SLC22A3: variants seen among roughly 807,000 people sequenced by gnomAD.
The protein encoded by SLC22A3 is solute carrier family 22 member 3.
A neutral mutation model predicts 59.1 loss-of-function variants in SLC22A3; 51 were observed. The observed-to-expected ratio is 0.86, with a 90% confidence interval of 0.69 to 1.09. SLC22A3 has a LOEUF of 1.09. SLC22A3 is among the 50% of genes least tolerant of loss of function. The pLI is 0.00. For synonymous variants in SLC22A3, 325 were observed against 292.0 expected, an observed-to-expected ratio of 1.11 and a Z score of -1.15; for missense variants, 711 against 726.3, an observed-to-expected ratio of 0.98 and a Z score of 0.24.
intron 1 of SLC22A3, among the ~76,000 whole-genome samples, chr6:160,362,642 T>A (rs1785053173): frequency 6.6e-6 from 1 of 152,198 alleles, no homozygotes; most frequent in Non-Finnish European, 1.5e-5. Context: ...CACCGCGGGA[T>A]GTCCAGAGAG....
intron 5 of SLC22A3, among the ~76,000 whole-genome samples, chr6:160,427,016 A>G (rs1787985141): frequency 1.3e-5 from 2 of 152,050 alleles, no homozygotes; most frequent in African/African-American, 4.8e-5. Context: ...GTTACTGGAG[A>G]TTCTTTGTAC....
intron 5 of SLC22A3, among the ~76,000 whole-genome samples, chr6:160,432,537 C>T (rs1216066073): frequency 1.3e-5 from 2 of 151,246 alleles, no homozygotes; most frequent in African/African-American, 4.9e-5. Context: ...AAACGATTCT[C>T]CTGCCTCAGC....
intron 5 of SLC22A3, among the ~76,000 whole-genome samples, chr6:160,413,502 C>A (rs1184919396): frequency 6.6e-6 from 1 of 152,334 alleles, no homozygotes; most frequent in African/African-American, 2.4e-5. Context: ...TGCCTAGTTT[C>A]CCTATCCACT....
chr6:160,348,514 T>A lies in SLC22A3; in HGVS notation c.95T>A (p.Phe32Tyr). The change falls in exon 1 of 11, where the codon TTC (phenylalanine) becomes TAC (tyrosine). Residue 32 changes from phenylalanine to tyrosine, a missense_variant. Transcript: ENST00000275300. ...CTGCTGTGCCTGACGGGCGTCACCT[T>A]CGCCTTCCTCTTCGTCGGCGTGGTC... is the stretch of plus-strand genomic sequence containing the variant. ...FLLLCLTGVT[F>Y]AFLFVGVVFL... is the part of the protein sequence containing the mutation. The A allele has an allele frequency of 1.9e-6, 3 of 1,564,302 alleles. No individual in the cohort carries two copies. Among genetic ancestry groups the A allele is most frequent in the Non-Finnish European group, 2.6e-6 (3 of 1,162,808 alleles).
Position 160,448,670 on chromosome 6 carries a change from A to G in SLC22A3, c.1610+852A>G, listed in dbSNP as rs541138691. Among the ~76,000 whole-genome samples the G allele has an allele frequency of 6.6e-5, 9 of 135,690 alleles. No homozygotes were observed. In the East Asian group the frequency reaches 2.2e-3, roughly 34 times the overall value. The allele number at this position is 135,690 out of a possible 152,430, so 89.0% of individuals were successfully genotyped here. ...AGTAATGTCAAGAAAAATTCACATT[A>G]CACAAATTCTTTCTAATTGTTTGAA... On this transcript the variant is annotated intron_variant, in intron 10 of 10. Transcript: ENST00000275300.
chr6:160,437,325 T>C (rs559847196), intron 7 of SLC22A3, 114 bp downstream of exon 7: 2 of 1,056,944 alleles, frequency 1.9e-6, no homozygotes, highest in South Asian at 1.3e-5. Flanking sequence ...TCACAGTCTT[T>C]CGTGATGTCA....
chr6:160,410,739 G>C lies in SLC22A3; in HGVS notation c.868G>C (p.Glu290Gln). 6.2e-7 allele frequency: 1 copy of C among 1,612,056 alleles called. No homozygotes were observed. The highest frequency in any genetic ancestry group is 8.5e-7 in the Non-Finnish European group (1 of 1,178,370). Residue 290 changes from glutamate (E) to glutamine (Q), a missense_variant, in exon 5 of 11, where the codon GAG (glutamate) becomes CAG (glutamine). Coordinates refer to ENST00000275300, the MANE Select transcript of SLC22A3 (RefSeq NM_021977.4). ...LFLLYYWVVP[E>Q]SPRWLITRKK... ...CTCCTTCTTTGCCAGGGTGGTCCCT[G>C]AGTCTCCCCGTTGGCTGATTACTCG...
In SLC22A3 at chr6:160,443,668, T is replaced by C; in HGVS notation, c.1436T>C (p.Phe479Ser). 1 of 1,614,078 alleles carries C rather than the reference T, an allele frequency of 6.2e-7. No individual in the cohort carries two copies. Among genetic ancestry groups the C allele is most frequent in the Non-Finnish European group, 8.5e-7 (1 of 1,179,956 alleles). The change falls in exon 9 of 11, where the codon TTT (phenylalanine) becomes TCT (serine). Residue 479 changes from phenylalanine to serine, a missense_variant. Phe to Ser is a radical substitution (Grantham distance 155). Transcript: ENST00000275300. ...TCGCTCTGTTCAGGTCTGTGTGATT[T>C]TGGGGGAATCATAGCCCCATTTCTG... ...GVSLCSGLCD[F>S]GGIIAPFLLF...
In SLC22A3 at chr6:160,353,925, A is replaced by G. The variant is rs1177123716; in HGVS notation, c.429+5077A>G. ...GGGAACATTATCCCTTTATCCTCAG[A>G]CAGGTATCCCAAATCTTATCAGATG... On this transcript the variant is annotated intron_variant, in intron 1 of 10. Coordinates refer to ENST00000275300, the MANE Select transcript of SLC22A3 (RefSeq NM_021977.4). Among the ~76,000 whole-genome samples, 3 of 152,152 alleles carry G rather than the reference A, an allele frequency of 2.0e-5. No individual in the cohort carries two copies. In the East Asian group the frequency reaches 5.8e-4, roughly 29 times the overall value.
At chr6:160,363,068 G>A (rs1208615358) in intron 1 of SLC22A3, among the ~76,000 whole-genome samples, 2 of 152,234 alleles carry the variant, frequency 1.3e-5, no homozygotes, top group South Asian at 2.1e-4. Flanking sequence ...TCAGGCAGAC[G>A]CGGGGCATCG....
At chr6:160,372,902 C>A (rs1368260519) in intron 1 of SLC22A3, among the ~76,000 whole-genome samples, 1 of 151,974 alleles carries the variant, frequency 6.6e-6, no homozygotes, top group East Asian at 1.9e-4. Flanking sequence ...TTCATATAAC[C>A]TTTTTTCAAG....
intron 1 of SLC22A3, among the ~76,000 whole-genome samples, chr6:160,381,127 T>A (rs780117339): frequency 6.6e-6 from 1 of 152,128 alleles, no homozygotes; most frequent in Non-Finnish European, 1.5e-5. Context: ...AAGGTTTTAA[T>A]CAAAGCAGGG....
At chr6:160,362,904 G>A (rs553744957) in intron 1 of SLC22A3, among the ~76,000 whole-genome samples, 8 of 152,296 alleles carry the variant, frequency 5.3e-5, no homozygotes, top group Admixed American at 1.3e-4. Context: ...CCAGGAGGGT[G>A]CACGAGAACG....
intron 1 of SLC22A3, among the ~76,000 whole-genome samples, chr6:160,391,524 A>G (rs1217841936): frequency 6.6e-6 from 1 of 152,182 alleles, no homozygotes; most frequent in African/African-American, 2.4e-5. Context: ...AGAGTCAACA[A>G]TGTTGGAAAA....
chr6:160,423,910 G>T (rs1787850898), intron 5 of SLC22A3, among the ~76,000 whole-genome samples: 1 of 152,192 alleles, frequency 6.6e-6, no homozygotes, highest in Non-Finnish European at 1.5e-5. Context: ...CCTGTGTCCT[G>T]AATGGTATTG....
In SLC22A3 at chr6:160,397,905, C is replaced by T. The variant is rs1379391873; in HGVS notation, c.430-74C>T. ...GCAAAAATCTTTACAGATCATTGAT[C>T]TATACAAAAGATAAGGTGTTTTGAA... On this transcript the variant is annotated intron_variant, in intron 1 of 10. Coordinates refer to ENST00000275300, the MANE Select transcript of SLC22A3 (RefSeq NM_021977.4). 6 of 1,127,964 alleles carry T rather than the reference C, an allele frequency of 5.3e-6. No individual in the cohort carries two copies. The East Asian group carries it at 1.2e-4, about 22-fold the overall frequency. The allele number at this position is 1,127,964 out of a possible 1,614,324, so 69.9% of individuals were successfully genotyped here. A position where few individuals can be genotyped will look rare whatever the true frequency, so the allele number is the denominator to read the frequency against.
At chr6:160,391,085 C>T (rs1488079732) in intron 1 of SLC22A3, among the ~76,000 whole-genome samples, 3 of 152,150 alleles carry the variant, frequency 2.0e-5, no homozygotes, top group Admixed American at 6.5e-5. Context: ...GACTAGGGCC[C>T]GCTCTGATAC....
At chr6:160,364,950 T>A (rs1382194452) in intron 1 of SLC22A3, among the ~76,000 whole-genome samples, 2 of 152,190 alleles carry the variant, frequency 1.3e-5, no homozygotes, top group Admixed American at 6.5e-5. Context: ...TTATTGAGTT[T>A]ATATTGCTTT....
chr6:160,386,138 T>C (rs113118315), intron 1 of SLC22A3, among the ~76,000 whole-genome samples: 3,703 of 152,338 alleles, frequency 0.024, 149 homozygotes, highest in Middle Eastern at 0.11. Flanking sequence ...ACCTTCTGCC[T>C]GTGCACCTGT....
Sources: allele counts gnomAD v4.1 joint callset (sites outside exome capture counted in the v4.1 genomes callset), GRCh38; gene constraint gnomAD v4.1.1; transcripts MANE v1.5; gene names NCBI Gene and HGNC (gene_info 2026-07-23, HGNC 2026-07-21).